DDR2: variants seen among roughly 807,000 people sequenced by gnomAD.
DDR2 encodes discoidin domain receptor tyrosine kinase 2, also known as discoidin domain-containing receptor 2.
A neutral mutation model predicts 94.9 loss-of-function variants in DDR2; 27 were observed. The ratio of observed to expected loss-of-function variants is 0.28; its 90% CI spans 0.21 to 0.39. DDR2 has a LOEUF of 0.39. Ranked by LOEUF, DDR2 falls within the 10% of genes least tolerant of loss-of-function variation. DDR2 has a pLI of 1.00. For synonymous variants in DDR2, 382 were observed against 377.2 expected (o/e 1.01, Z -0.15); for missense variants, 783 against 1,076.0 (o/e 0.73, Z 3.81).
intron 2 of DDR2, among the ~76,000 whole-genome samples, 151 bp downstream of exon 2, chr1:162,655,525 A>C (rs1216368556): frequency 6.6e-6 from 1 of 152,172 alleles, no homozygotes; most frequent in African/African-American, 2.4e-5. Flanking sequence ...ATGAGAAGAC[A>C]ATGTATTTGA....
intron 1 of DDR2, among the ~76,000 whole-genome samples, chr1:162,636,379 C>T (rs2101880955): frequency 6.6e-6 from 1 of 152,284 alleles, no homozygotes; most frequent in East Asian, 1.9e-4. Flanking sequence ...CTGGGCTTCT[C>T]CTGGAAATTG....
chr1:162,697,076 G>A (rs1186022000), intron 2 of DDR2, among the ~76,000 whole-genome samples: 1 of 152,090 alleles, frequency 6.6e-6, no homozygotes, highest in Non-Finnish European at 1.5e-5. Flanking sequence ...CATGCACCTT[G>A]AGTCTAATCA....
chr1:162,747,936 A>G (rs2102109124), intron 3 of DDR2, among the ~76,000 whole-genome samples: 1 of 152,350 alleles, frequency 6.6e-6, no homozygotes, highest in Non-Finnish European at 1.5e-5. Flanking sequence ...AATCCTTTAC[A>G]GACAAGCAAA....
intron 11 of DDR2, among the ~76,000 whole-genome samples, chr1:162,768,874 A>G (rs555716839): frequency 1.3e-5 from 2 of 152,378 alleles, no homozygotes; most frequent in East Asian, 3.9e-4. Flanking sequence ...GTCTCAAGGC[A>G]TGAATGAGGC....
chr1:162,665,424 C>T (rs1658500755), intron 2 of DDR2, among the ~76,000 whole-genome samples: 1 of 152,148 alleles, frequency 6.6e-6, no homozygotes, highest in Admixed American at 6.6e-5. Context: ...CATCTGCCTG[C>T]ACCTTGTCTC....
At chr1:162,697,222 G>T (rs1041908646) in intron 2 of DDR2, among the ~76,000 whole-genome samples, 2 of 150,340 alleles carry the variant, frequency 1.3e-5, no homozygotes, top group Admixed American at 1.3e-4. Flanking sequence ...TTTCTTAGAC[G>T]AGATGGAGTT....
At chr1:162,657,528 A>G (rs1171549516) in intron 2 of DDR2, among the ~76,000 whole-genome samples, 1 of 152,192 alleles carries the variant, frequency 6.6e-6, no homozygotes, top group Non-Finnish European at 1.5e-5. Context: ...TGCTTTTCAA[A>G]GATCTTGCCT....
chr1:162,737,517 C>T (rs1318928057), intron 3 of DDR2, among the ~76,000 whole-genome samples: 1 of 134,988 alleles, frequency 7.4e-6, no homozygotes, highest in Non-Finnish European at 1.6e-5. Flanking sequence ...CATAGTATTC[C>T]ATGGTGTATA....
chr1:162,723,400 C>T (rs1041182520), intron 3 of DDR2, among the ~76,000 whole-genome samples: 2 of 152,086 alleles, frequency 1.3e-5, no homozygotes, highest in Non-Finnish European at 2.9e-5. Flanking sequence ...GGGAAAGAGA[C>T]CCCACAATCA....
intron 8 of DDR2, 79 bp from the exon 9 acceptor site, chr1:162,761,132 C>T: frequency 6.2e-7 from 1 of 1,601,328 alleles, no homozygotes; most frequent in South Asian, 1.1e-5. Context: ...TAGACGGCAA[C>T]TACTGAGTTG....
At chr1:162,646,514 G>GA (rs1446527176) in intron 1 of DDR2, among the ~76,000 whole-genome samples, 2 of 152,194 alleles carry the variant, frequency 1.3e-5, no homozygotes, top group African/African-American at 4.8e-5. Flanking sequence ...ATGACACCAA[G>GA]AAAAGGTCAA....
chr1:162,646,652 A>G (rs896225062), intron 1 of DDR2, among the ~76,000 whole-genome samples: 3 of 152,226 alleles, frequency 2.0e-5, no homozygotes, highest in Non-Finnish European at 4.4e-5. Context: ...GTTTAACTGC[A>G]ACTAGGAACC....
chr1:162,732,789 C>T (rs1662122230), intron 3 of DDR2, among the ~76,000 whole-genome samples: 1 of 152,228 alleles, frequency 6.6e-6, no homozygotes, highest in Non-Finnish European at 1.5e-5. Context: ...GACGGGGAGC[C>T]CGTGGTCTGG....
intron 3 of DDR2, among the ~76,000 whole-genome samples, chr1:162,752,854 T>C (rs1663279787): frequency 6.6e-6 from 1 of 151,988 alleles, no homozygotes; most frequent in Admixed American, 6.6e-5. Flanking sequence ...TTGTCAGAGT[T>C]TGAACCAAAA....
intron 3 of DDR2, among the ~76,000 whole-genome samples, chr1:162,734,666 T>C (rs971140470): frequency 3.3e-5 from 5 of 151,804 alleles, no homozygotes; most frequent in Non-Finnish European, 7.4e-5. Context: ...ACATCCCAGG[T>C]AAAGGGAGCA....
At chr1:162,669,181 C>T (rs1031337126) in intron 2 of DDR2, among the ~76,000 whole-genome samples, 1 of 152,066 alleles carries the variant, frequency 6.6e-6, no homozygotes, top group Non-Finnish European at 1.5e-5. Context: ...TTTTATATTC[C>T]TTTTGTTACT....
intron 2 of DDR2, among the ~76,000 whole-genome samples, chr1:162,687,741 G>A (rs1002357363): frequency 8.5e-5 from 13 of 152,270 alleles, no homozygotes; most frequent in African/African-American, 2.4e-4. Flanking sequence ...GGTTGGGGAC[G>A]GAGAGAAGAG....
Position 162,654,513 on chromosome 1 carries a change from T to A in DDR2, c.-191-698T>A, listed in dbSNP as rs146527056. On this transcript the variant is annotated intron_variant, in intron 1 of 17. Coordinates refer to ENST00000367921, the MANE Select transcript of DDR2 (RefSeq NM_006182.4). ...TCAAACACTATAAATCCATAGTTTT[T>A]ATATATGTGTAAACTATTTCTAGAA... is the stretch of plus-strand genomic sequence containing the variant. 3.5e-3 allele frequency among the ~76,000 whole-genome samples: 526 copies of A among 152,242 alleles called. 2 individuals carry two copies. Among genetic ancestry groups the A allele is most frequent in the Non-Finnish European group, 5.7e-3 (385 of 68,022 alleles).
intron 7 of DDR2, among the ~76,000 whole-genome samples, chr1:162,757,656 G>A (rs192760917): frequency 1.1e-4 from 17 of 152,124 alleles, no homozygotes; most frequent in African/African-American, 3.9e-4. Flanking sequence ...GATTTTTAAA[G>A]CTGAGGAAGG....
Sources: gnomAD v4.1 joint callset for allele counts (sites outside exome capture counted in the v4.1 genomes callset) on GRCh38, gnomAD v4.1.1 for gene constraint, MANE v1.5 for transcripts, NCBI Gene and HGNC (gene_info 2026-07-23, HGNC 2026-07-21) for gene names.